The following NCKAP5 variants were observed in gnomAD, a reference collection of about 807,000 sequenced individuals.
NCKAP5 encodes nck-associated protein 5.
NCKAP5 carries 92 observed loss-of-function variants against 167.0 expected under a neutral mutation model. The ratio of observed to expected loss-of-function variants is 0.55; its 90% confidence interval spans 0.47 to 0.66. The LOEUF (loss-of-function observed/expected upper bound fraction) is 0.66. Ranked by LOEUF, NCKAP5 falls within the 30% of genes least tolerant of loss-of-function variation. The pLI is 0.00. For missense variants in NCKAP5, 2,378 were observed against 2,315.0 expected, an observed-to-expected ratio of 1.03 and a Z score of -0.56; for synonymous variants, 891 against 877.4, an observed-to-expected ratio of 1.02 and a Z score of -0.27.
intron 5 of NCKAP5, among the ~76,000 whole-genome samples, chr2:133,168,792 G>C (rs2084114678): frequency 6.6e-6 from 1 of 152,010 alleles, no homozygotes; most frequent in East Asian, 1.9e-4. Flanking sequence ...GGTCACATTT[G>C]TTCTTTATGT....
At position 133,368,930 on chromosome 2, in the gene NCKAP5, G is replaced by A. The variant is rs181199845; in HGVS notation, c.70-65820C>T. 7.7e-4 allele frequency among the ~76,000 whole-genome samples: 118 copies of A among 152,298 alleles called. 1 individual carries two copies. The highest frequency in any genetic ancestry group is 1.6e-3 in the Admixed American group (24 of 15,298). On this transcript the variant is annotated intron_variant, in intron 3 of 19. Coordinates refer to ENST00000409261, the MANE Select transcript of NCKAP5 (RefSeq NM_207363.3). ...GAGAAGGCTCTACTGGTAAAAGACA[G>A]ATACGCTTTGAAAAGGTTAAGGTCA... is the stretch of plus-strand genomic sequence containing the variant.
intron 16 of NCKAP5, among the ~76,000 whole-genome samples, chr2:132,734,878 C>T (rs966770990): frequency 1.1e-4 from 17 of 152,228 alleles, no homozygotes; most frequent in African/African-American, 3.9e-4. Context: ...GGGCTCTGCT[C>T]AGTTCATAGC....
chr2:132,949,281 G>A (rs146416413), intron 8 of NCKAP5, among the ~76,000 whole-genome samples: 13 of 152,256 alleles, frequency 8.5e-5, no homozygotes, highest in African/African-American at 2.4e-4. Flanking sequence ...TGGAGGGGCA[G>A]TCCCTTCAAG....
Position 133,468,136 on chromosome 2 carries a change from T to C in NCKAP5, c.69+49322A>G, listed in dbSNP as rs1478588674. Among the ~76,000 whole-genome samples the C allele has an allele frequency of 5.8e-5, 8 of 136,794 alleles. 1 individual carries two copies. The highest frequency in any genetic ancestry group is 1.2e-4 in the Non-Finnish European group (8 of 64,828). The allele number at this position is 136,794 out of a possible 152,430, so 89.7% of individuals were successfully genotyped here. ...AATTTTGGATCTTTCCTGCTTTCTC[T>C]TGTGGGCATTTAGTGCTGTAAATTT... On this transcript the variant is annotated intron_variant, in intron 3 of 19. Transcript: ENST00000409261.
chr2:133,128,722 C>T (rs745613772), intron 6 of NCKAP5, among the ~76,000 whole-genome samples: 25 of 152,088 alleles, frequency 1.6e-4, no homozygotes, highest in African/African-American at 3.1e-4. Context: ...CTCAGCCTCC[C>T]GAGTAGCTGG....
intron 5 of NCKAP5, among the ~76,000 whole-genome samples, chr2:133,202,444 A>G (rs1407122716): frequency 6.6e-6 from 1 of 152,166 alleles, no homozygotes; most frequent in Non-Finnish European, 1.5e-5. Flanking sequence ...CTAGAAGAAA[A>G]CCTAGGCAAT....
chr2:132,972,451 C>T (rs116116595), intron 7 of NCKAP5, among the ~76,000 whole-genome samples: 46 of 152,228 alleles, frequency 3.0e-4, no homozygotes, highest in African/African-American at 9.6e-4. Flanking sequence ...TTAGGCTGGG[C>T]GCGGTGGCTC....
At chr2:133,308,024 G>A (rs2163233) in intron 3 of NCKAP5, among the ~76,000 whole-genome samples, 1 of 113,834 alleles carries the variant, frequency 8.8e-6, no homozygotes, top group Admixed American at 8.1e-5. Context: ...AGAGGGAACT[G>A]TTAATAGAAG....
At chr2:132,814,755 A>G (rs1273184120) in intron 11 of NCKAP5, among the ~76,000 whole-genome samples, 4 of 152,224 alleles carry the variant, frequency 2.6e-5, no homozygotes, top group African/African-American at 9.6e-5. Flanking sequence ...AGAAAAGTGC[A>G]TGGCTATGAC....
chr2:133,223,287 C>A (rs1028803468), intron 4 of NCKAP5, among the ~76,000 whole-genome samples: 3 of 152,140 alleles, frequency 2.0e-5, no homozygotes, highest in Non-Finnish European at 2.9e-5. Flanking sequence ...CAACCTTCCC[C>A]ATTTCTGGTG....
chr2:133,616,006 A>G, the NCKAP5 span, among the ~76,000 whole-genome samples: 17 of 150,088 alleles, frequency 1.1e-4, no homozygotes, highest in South Asian at 2.1e-4. Context: ...CTCACTCAAA[A>G]CCGCTCAACT....
chr2:133,131,967 C>CAAAAA, intron 5 of NCKAP5, among the ~76,000 whole-genome samples: 1 of 148,184 alleles, frequency 6.7e-6, no homozygotes, highest in African/African-American at 2.5e-5. Context: ...AGAAACAGGC[C>CAAAAA]AAAAAAAAAA....
At chr2:132,819,746 G>A (rs527348296) in intron 11 of NCKAP5, among the ~76,000 whole-genome samples, 128 of 152,010 alleles carry the variant, frequency 8.4e-4, no homozygotes, top group African/African-American at 3.0e-3. Context: ...GAAAGTGGAA[G>A]GAGAGAGAAA....
chr2:133,577,745 A>G, the NCKAP5 span, among the ~76,000 whole-genome samples: 7 of 152,064 alleles, frequency 4.6e-5, 1 homozygote, highest in South Asian at 1.0e-3. Flanking sequence ...CTCATGTTCA[A>G]TTTCCTTTTG....
chr2:132,724,439 G>A (rs1475342309), intron 19 of NCKAP5, among the ~76,000 whole-genome samples: 1 of 152,084 alleles, frequency 6.6e-6, no homozygotes, highest in African/African-American at 2.4e-5. Context: ...AAGGGGCCCT[G>A]GAAACCATTC....
intron 5 of NCKAP5, among the ~76,000 whole-genome samples, chr2:133,203,589 A>G (rs1262623220): frequency 6.6e-6 from 1 of 152,166 alleles, no homozygotes; most frequent in Non-Finnish European, 1.5e-5. Flanking sequence ...TTATTTGAAA[A>G]TGGAACAAAC....
intron 3 of NCKAP5, among the ~76,000 whole-genome samples, chr2:133,337,227 G>C (rs1166741830): frequency 6.6e-6 from 1 of 152,190 alleles, no homozygotes; most frequent in African/African-American, 2.4e-5. Flanking sequence ...TCCAGCTGCT[G>C]CTATTGTGTA....
At chr2:132,989,093 T>C (rs1447341394) in intron 7 of NCKAP5, among the ~76,000 whole-genome samples, 1 of 152,202 alleles carries the variant, frequency 6.6e-6, no homozygotes, top group Non-Finnish European at 1.5e-5. Context: ...AGAGGAAGCA[T>C]GGCGGCTACA....
At chr2:133,589,297 T>C in the NCKAP5 span, among the ~76,000 whole-genome samples, 1 of 152,112 alleles carries the variant, frequency 6.6e-6, no homozygotes, top group African/African-American at 2.4e-5. Flanking sequence ...AATATGAGTG[T>C]GGAAGAAATT....
Sources: allele counts gnomAD v4.1 joint callset (sites outside exome capture counted in the v4.1 genomes callset), GRCh38; gene constraint gnomAD v4.1.1; transcripts MANE v1.5; gene names NCBI Gene and HGNC (gene_info 2026-07-23, HGNC 2026-07-21).